The following LRRC7 variants were observed in gnomAD, a reference collection of about 807,000 sequenced individuals.
The protein encoded by LRRC7 is leucine rich repeat containing 7, also known as leucine-rich repeat-containing protein 7.
A neutral mutation model predicts 175.7 loss-of-function variants in LRRC7; 23 were observed. That is an observed-to-expected ratio of 0.13 (90% confidence interval 0.09 to 0.19). LRRC7 has a LOEUF of 0.19. Among genes scored for constraint, LRRC7 ranks in the 10% least tolerant of loss-of-function variants. The pLI, the probability that LRRC7 is intolerant of heterozygous loss-of-function variation, is 1.00. For synonymous variants in LRRC7, 685 were observed against 680.9 expected, an observed-to-expected ratio of 1.01 and a Z score of -0.09; for missense variants, 1,354 against 1,904.7, an observed-to-expected ratio of 0.71 and a Z score of 5.38.
chr1:70,083,899 C>G (rs1333278773), intron 24 of LRRC7, among the ~76,000 whole-genome samples: 1 of 152,180 alleles, frequency 6.6e-6, no homozygotes, highest in Non-Finnish European at 1.5e-5. Flanking sequence ...TCACACCTGA[C>G]TACTTCAAAA....
rs1314384984 is a variant in LRRC7 at position 70,060,070 on chromosome 1, C to T, written c.4230+6925C>T. Among the ~76,000 whole-genome samples the T allele has an allele frequency of 3.9e-5, 6 of 152,024 alleles. No individual in the cohort carries two copies. In the East Asian group the frequency reaches 1.2e-3, roughly 29 times the overall value. On this transcript the variant is annotated intron_variant, in intron 23 of 26. Transcript: ENST00000651989. ...TCACACCTGTATTCCCAGCACTTAG[C>T]ACTTTGGGAGGCCGAGGCAAGCGGA...
chr1:69,916,325 T>G (rs1304904667), intron 7 of LRRC7, among the ~76,000 whole-genome samples: 1 of 142,264 alleles, frequency 7.0e-6, no homozygotes, highest in African/African-American at 2.6e-5. Flanking sequence ...ATAGTTTTGT[T>G]GTTGCACTTC....
At chr1:69,913,653 A>T (rs1165042327) in intron 7 of LRRC7, among the ~76,000 whole-genome samples, 2 of 152,088 alleles carry the variant, frequency 1.3e-5, no homozygotes, top group Non-Finnish European at 2.9e-5. Context: ...CTGGGATTAC[A>T]GGCACCCATG....
chr1:70,107,703 C>G (rs746091283), intron 25 of LRRC7, 49 bp from the exon 26 acceptor site: 2 of 1,393,984 alleles, frequency 1.4e-6, no homozygotes, highest in African/African-American at 1.4e-5. Flanking sequence ...TTTAAGTAGG[C>G]CTGGTTCTTG....
intron 7 of LRRC7, chr1:69,919,993 G>T: frequency 4.0e-6 from 2 of 498,684 alleles, no homozygotes; most frequent in South Asian, 4.9e-5. Flanking sequence ...CCAGACTGGG[G>T]GCCCTGGGGT....
intron 1 of LRRC7, among the ~76,000 whole-genome samples, chr1:69,677,767 G>A (rs1369568106): frequency 2.6e-5 from 4 of 151,474 alleles, no homozygotes; most frequent in African/African-American, 9.7e-5. Flanking sequence ...ATTCAGCTTG[G>A]GCTGCTATAA....
chr1:69,631,420 A>T (rs1773350), intron 1 of LRRC7, among the ~76,000 whole-genome samples: 2 of 151,960 alleles, frequency 1.3e-5, no homozygotes, highest in African/African-American at 2.4e-5. Context: ...GCCATAGGAC[A>T]GCATCTCTCC....
rs138071894 is a variant in LRRC7, at chr1:69,739,518, G to T, written c.101-20673G>T. On this transcript the variant is annotated intron_variant, in intron 2 of 26. Coordinates refer to ENST00000651989, the MANE Select transcript of LRRC7 (RefSeq NM_001370785.2). ...GATTTAAACTGTGTAGCCTCAGAAT[G>T]AATACAACATCAAAGAGCAAAAGAT... is the stretch of plus-strand genomic sequence containing the variant. Among the ~76,000 whole-genome samples the T allele has an allele frequency of 8.9e-3, 1,356 of 152,130 alleles. 34 individuals carry two copies. The highest frequency in any genetic ancestry group is 0.075 in the East Asian group (390 of 5,166).
intron 5 of LRRC7, among the ~76,000 whole-genome samples, chr1:69,827,980 G>A (rs1446282501): frequency 6.6e-6 from 1 of 152,062 alleles, no homozygotes; most frequent in Non-Finnish European, 1.5e-5. Context: ...ATCCACTGAC[G>A]ATTACTATCC....
chr1:69,892,521 T>G (rs1157004898), intron 7 of LRRC7, among the ~76,000 whole-genome samples: 1 of 152,202 alleles, frequency 6.6e-6, no homozygotes, highest in Non-Finnish European at 1.5e-5. Context: ...GGTACTGTAA[T>G]TGACCTGAAG....
chr1:69,934,270 C>A (rs1473504914), intron 8 of LRRC7, among the ~76,000 whole-genome samples: 1 of 151,832 alleles, frequency 6.6e-6, no homozygotes, highest in Non-Finnish European at 1.5e-5. Flanking sequence ...GAGTAGATGA[C>A]TATAATTTTA....
In LRRC7 at chr1:70,141,381, G is replaced by A. The variant is rs1447932683; in HGVS notation, c.*19494G>A. The A allele has an allele frequency of 2.6e-5, 4 of 152,066 alleles. No homozygotes were observed. Among genetic ancestry groups the A allele is most frequent in the African/African-American group, 7.2e-5 (3 of 41,428 alleles). The allele number at this position is 152,066 out of a possible 1,614,324, so 9.4% of individuals were successfully genotyped here. A position where few individuals can be genotyped will look rare whatever the true frequency, so the allele number is the denominator to read the frequency against. On this transcript the variant is annotated 3_prime_UTR_variant, in exon 27 of 27. Coordinates refer to ENST00000651989, the MANE Select transcript of LRRC7 (RefSeq NM_001370785.2). ...GTCTACAAATACTTTTGCAAATAATGTTTCTCTTAATAAAATGATATATTT... is the reference window on the plus strand; with the variant it reads ...GTCTACAAATACTTTTGCAAATAATATTTCTCTTAATAAAATGATATATTT...
At chr1:69,574,701 A>G (rs1408751901) in intron 1 of LRRC7, among the ~76,000 whole-genome samples, 1 of 152,308 alleles carries the variant, frequency 6.6e-6, no homozygotes, top group East Asian at 1.9e-4. Context: ...AAAAGTATTC[A>G]TCATTGCAGT....
chr1:70,077,265 A>G (rs1190755354), intron 24 of LRRC7, among the ~76,000 whole-genome samples: 1 of 152,154 alleles, frequency 6.6e-6, no homozygotes, highest in Non-Finnish European at 1.5e-5. Context: ...CTTGAAGCCT[A>G]GATTACGTAC....
At chr1:69,757,065 A>G (rs1670511041) in intron 2 of LRRC7, among the ~76,000 whole-genome samples, 1 of 151,986 alleles carries the variant, frequency 6.6e-6, no homozygotes, top group African/African-American at 2.4e-5. Flanking sequence ...TCCGTAATCT[A>G]GATACCAGAG....
At chr1:69,630,487 C>G (rs1162153579) in intron 1 of LRRC7, among the ~76,000 whole-genome samples, 1 of 152,004 alleles carries the variant, frequency 6.6e-6, no homozygotes, top group Non-Finnish European at 1.5e-5. Context: ...CCTATACTTG[C>G]TACCTTTATT....
intron 19 of LRRC7, 33 bp from the exon 20 acceptor site, chr1:70,036,411 T>C (rs2102018894): frequency 6.3e-7 from 1 of 1,583,784 alleles, no homozygotes. Context: ...GTCAGTGTCA[T>C]AGCATTATAA....
chr1:69,868,922 C>CATATATATAT (rs141732988), intron 7 of LRRC7, among the ~76,000 whole-genome samples: 13 of 148,542 alleles, frequency 8.8e-5, no homozygotes, highest in African/African-American at 3.0e-4. Flanking sequence ...TACATATGTA[C>CATATATATAT]ATATATATAT....
chr1:69,797,362 A>C (rs1400872451), intron 4 of LRRC7, among the ~76,000 whole-genome samples: 2 of 152,110 alleles, frequency 1.3e-5, no homozygotes, highest in Non-Finnish European at 2.9e-5. Context: ...AGAATAACAA[A>C]CTTCATTTTG....
Sources: gnomAD v4.1 joint callset for allele counts (sites outside exome capture counted in the v4.1 genomes callset) on GRCh38, gnomAD v4.1.1 for gene constraint, MANE v1.5 for transcripts, NCBI Gene and HGNC (gene_info 2026-07-23, HGNC 2026-07-21) for gene names.